Variants in PAFAH1B2 observed in about 807,000 individuals in gnomAD.
The protein encoded by PAFAH1B2 is platelet activating factor acetylhydrolase 1b catalytic subunit 2.
Under a neutral mutation model 28.0 loss-of-function variants are expected in PAFAH1B2, and 8 were observed. The ratio of observed to expected loss-of-function variants is 0.29; its 90% CI spans 0.17 to 0.52. The LOEUF (loss-of-function observed/expected upper bound fraction) is 0.52, where lower values mean the gene tolerates loss of function less well. Ranked by LOEUF, PAFAH1B2 falls within the 20% of genes least tolerant of loss-of-function variation. PAFAH1B2 has a pLI of 0.97. For missense variants in PAFAH1B2, 190 were observed against 282.6 expected (o/e 0.67, Z 2.35); for synonymous variants, 104 against 103.2 (o/e 1.01, Z -0.05).
chr11:117,163,973 A>G (rs1956438675), intron 5 of PAFAH1B2, 81 bp downstream of exon 5: 3 of 1,431,412 alleles, frequency 2.1e-6, no homozygotes, highest in East Asian at 2.3e-5. Context: ...TTGCTCATGA[A>G]TATTAGAGAA....
At chr11:117,172,371 TATATATATATATATATATATATATATA>T (rs1565278657), downstream of PAFAH1B2, among the ~76,000 whole-genome samples, 86 of 2,980 alleles carry the variant, frequency 0.029, 2 homozygotes, top group African/African-American at 0.09. Context: ...TATATATATA[TATATATATATATATATATATATATATA>T]TATATATTTT....
At chr11:117,157,657 T>C (rs986464908) in intron 2 of PAFAH1B2, among the ~76,000 whole-genome samples, 10 of 152,130 alleles carry the variant, frequency 6.6e-5, no homozygotes, top group Admixed American at 4.6e-4. Flanking sequence ...CTAGGCATGA[T>C]AGAGCATTCC....
At chr11:117,148,107 A>G (rs1956059119) in intron 1 of PAFAH1B2, among the ~76,000 whole-genome samples, 1 of 142,970 alleles carries the variant, frequency 7.0e-6, no homozygotes, top group Admixed American at 7.3e-5. Flanking sequence ...AGTGGGGTGC[A>G]GTGGTGTGAT....
chr11:117,164,010 C>T, intron 5 of PAFAH1B2, 118 bp downstream of exon 5: 2 of 1,018,126 alleles, frequency 2.0e-6, no homozygotes, highest in Middle Eastern at 2.1e-4. Flanking sequence ...GTTTATCATA[C>T]TTTCGTTGAC....
intron 1 of PAFAH1B2, among the ~76,000 whole-genome samples, chr11:117,148,051 T>G (rs552359241): frequency 2.0e-5 from 3 of 149,716 alleles, no homozygotes; most frequent in African/African-American, 7.5e-5. Flanking sequence ...TTTTCTTTTT[T>G]TTTTCTTTTT....
intron 2 of PAFAH1B2, among the ~76,000 whole-genome samples, chr11:117,154,597 G>A (rs1054804722): frequency 1.3e-5 from 2 of 151,112 alleles, no homozygotes; most frequent in African/African-American, 4.9e-5. Flanking sequence ...CCACCATGCC[G>A]GGCTAATTTT....
Position 117,144,894 on chromosome 11 carries a change from C to A in PAFAH1B2, c.-8+476C>A, listed in dbSNP as rs116616885. Among the ~76,000 whole-genome samples the A allele has an allele frequency of 4.6e-5, 7 of 152,350 alleles. No individual in the cohort carries two copies. The South Asian group carries it at 1.4e-3, about 32-fold the overall frequency. ...GGGGTCTAACTTCTCACTCTTCTCT[C>A]CCCTCGCGTCTGGTCGGAGGCCAAA... is the stretch of plus-strand genomic sequence containing the variant. On this transcript the variant is annotated intron_variant, in intron 1 of 5. Transcript: ENST00000527958.
In PAFAH1B2 at chr11:117,168,445, C is replaced by CGTTTGTTTTTTTTTTTTTTTTTT. The variant is rs1359076423; in HGVS notation, c.*750_*751insGTTTTTTTTTTTTTTTTTTGTTT. On this transcript the variant is annotated 3_prime_UTR_variant, in exon 6 of 6. Transcript: ENST00000527958. ...TTCCCCTTCATTCCCCCCGCCACCCCGTTTTTTTTTTTTTTTTTTTTTTTT... is the reference window on the plus strand; with the variant it reads ...TTCCCCTTCATTCCCCCCGCCACCCCGTTTGTTTTTTTTTTTTTTTTTTGTTTTTTTTTTTTTTTTTTTTTTTT... 1 of 352,466 alleles carries CGTTTGTTTTTTTTTTTTTTTTTT rather than the reference C, an allele frequency of 2.8e-6. No homozygotes were observed. Among genetic ancestry groups the CGTTTGTTTTTTTTTTTTTTTTTT allele is most frequent in the Non-Finnish European group, 3.4e-6 (1 of 291,822 alleles). The allele number at this position is 352,466 out of a possible 1,614,324, so 21.8% of individuals were successfully genotyped here.
chr11:117,175,722 AG>A, downstream of PAFAH1B2: 1 of 1,129,188 alleles, frequency 8.9e-7, no homozygotes, highest in Non-Finnish European at 1.2e-6. Context: ...AGTGTGAAGT[AG>A]GACTCTGGAT....
At chr11:117,149,189 A>G (rs995871421) in intron 1 of PAFAH1B2, among the ~76,000 whole-genome samples, 2 of 150,918 alleles carry the variant, frequency 1.3e-5, no homozygotes, top group Admixed American at 1.3e-4. Flanking sequence ...AGCCCAAGCA[A>G]TCCTCCTGAC....
chr11:117,144,360 C>T lies in PAFAH1B2; in HGVS notation c.-66C>T. ...GGGACCGACGGGACCGAGCGAGCGA[C>T]CGACGCGCCACCCGCCGACGCCTCA... On this transcript the variant is annotated 5_prime_UTR_variant, in exon 1 of 6. Transcript: ENST00000527958. 1 of 420,728 alleles carries T rather than the reference C, an allele frequency of 2.4e-6. No homozygotes were observed. Among genetic ancestry groups the T allele is most frequent in the Non-Finnish European group, 4.8e-6 (1 of 206,814 alleles). 26.1% of individuals were successfully genotyped at this position (420,728 alleles called of 1,614,324 possible).
At chr11:117,175,735 T>C, downstream of PAFAH1B2, 2 of 1,106,294 alleles carry the variant, frequency 1.8e-6, no homozygotes. Flanking sequence ...ACTCTGGATG[T>C]GCGTTTAAAA....
Position 117,168,465 on chromosome 11 carries a change from T to TTTTTTTTTC in PAFAH1B2, c.*772_*773insTTCTTTTTT. 1 of 990,764 alleles carries TTTTTTTTTC rather than the reference T, an allele frequency of 1.0e-6. No homozygotes were observed. The highest frequency in any genetic ancestry group is 1.8e-5 in the African/African-American group (1 of 55,136). 61.4% of individuals were successfully genotyped at this position (990,764 alleles called of 1,614,324 possible). On this transcript the variant is annotated 3_prime_UTR_variant, in exon 6 of 6. Transcript: ENST00000527958. ...CACCCCGTTTTTTTTTTTTTTTTTT[T>TTTTTTTTTC]TTTTTTGGTTCTTGTTGACATTACA...
At chr11:117,166,830 G>T (rs1956522698) in intron 5 of PAFAH1B2, among the ~76,000 whole-genome samples, 1 of 152,142 alleles carries the variant, frequency 6.6e-6, no homozygotes, top group Non-Finnish European at 1.5e-5. Flanking sequence ...TGGATTGAAG[G>T]GTAGACAACG....
intron 2 of PAFAH1B2, among the ~76,000 whole-genome samples, chr11:117,156,949 TG>T (rs1291376214): frequency 6.6e-6 from 1 of 150,538 alleles, no homozygotes; most frequent in Non-Finnish European, 1.5e-5. Context: ...CCTGGGAGGT[TG>T]GGGCTGCAGT....
In PAFAH1B2 at chr11:117,169,834, G is replaced by C; in HGVS notation, c.*2135G>C. ...CAGTTTTCTATCCACGTCTTTTTCT[G>C]TTTGTCAGAAGGTGGGAGTATGGTC... On this transcript the variant is annotated 3_prime_UTR_variant, in exon 6 of 6. Coordinates refer to ENST00000527958, the MANE Select transcript of PAFAH1B2 (RefSeq NM_002572.4). 1 of 1,055,470 alleles carries C rather than the reference G, an allele frequency of 9.5e-7. No homozygotes were observed. The highest frequency in any genetic ancestry group is 1.1e-6 in the Non-Finnish European group (1 of 873,148). The allele number at this position is 1,055,470 out of a possible 1,614,324, so 65.4% of individuals were successfully genotyped here. A position where few individuals can be genotyped will look rare whatever the true frequency, so the allele number is the denominator to read the frequency against.
At chr11:117,163,080 C>G (rs1278081818) in intron 4 of PAFAH1B2, among the ~76,000 whole-genome samples, 1 of 152,140 alleles carries the variant, frequency 6.6e-6, no homozygotes, top group Non-Finnish European at 1.5e-5. Context: ...TGATATAATT[C>G]TCTCTTGTTT....
rs761683920 is a variant in PAFAH1B2, at chr11:117,161,277, CT to C, written c.288+18del. On this transcript the variant is annotated intron_variant, in intron 4 of 5. Coordinates refer to ENST00000527958, the MANE Select transcript of PAFAH1B2 (RefSeq NM_002572.4). ...TAAGCCTAAGGTGAAATGAAAGTTA[CT>C]TGTCAATGTCATTAATCTTAAGTCT... 7.4e-7 allele frequency: 1 copy of C among 1,355,168 alleles called. No homozygotes were observed. The highest frequency in any genetic ancestry group is 1.5e-5 in the African/African-American group (1 of 66,704). The allele number at this position is 1,355,168 out of a possible 1,614,324, so 83.9% of individuals were successfully genotyped here.
chr11:117,162,321 G>T (rs1956392409), intron 4 of PAFAH1B2, among the ~76,000 whole-genome samples: 1 of 152,026 alleles, frequency 6.6e-6, no homozygotes, highest in Non-Finnish European at 1.5e-5. Flanking sequence ...TCTTTTTGTA[G>T]ACAGGGTCTT....
Sources: gnomAD v4.1 joint callset for allele counts (sites outside exome capture counted in the v4.1 genomes callset) on GRCh38, gnomAD v4.1.1 for gene constraint, MANE v1.5 for transcripts, NCBI Gene and HGNC (gene_info 2026-07-23, HGNC 2026-07-21) for gene names.